VPS53: variants seen among roughly 807,000 people sequenced by gnomAD.
The protein encoded by VPS53 is VPS53 subunit of GARP complex.
In VPS53, 70 loss-of-function variants were observed where a neutral mutation model predicts 107.0. The observed-to-expected ratio is 0.65, with a 90% confidence interval of 0.54 to 0.80. The LOEUF (loss-of-function observed/expected upper bound fraction) is 0.80. Among genes scored for constraint, VPS53 ranks in the 30% least tolerant of loss-of-function variants. The pLI, the probability that VPS53 is intolerant of heterozygous loss-of-function variation, is 0.00. For missense variants in VPS53, 917 were observed against 1,049.4 expected, an observed-to-expected ratio of 0.87 and a Z score of 1.74; for synonymous variants, 409 against 393.3, an observed-to-expected ratio of 1.04 and a Z score of -0.47.
intron 7 of VPS53, among the ~76,000 whole-genome samples, chr17:635,694 A>G (rs1371558503): frequency 1.3e-5 from 2 of 152,194 alleles, no homozygotes. Context: ...TTTGTCAAAG[A>G]TCAGATGGTT....
At position 586,257 on chromosome 17, in the gene VPS53, G is replaced by C. The variant is rs1197448818; in HGVS notation, c.1313+13C>G. ...GAAATGCAGGCAGAAAACAGCGAAT[G>C]TTCCTCACTCACTTGTCTTGGGATT... On this transcript the variant is annotated intron_variant, in intron 13 of 21. Transcript: ENST00000437048. 1 of 1,612,416 alleles carries C rather than the reference G, an allele frequency of 6.2e-7. No homozygotes were observed. Among genetic ancestry groups the C allele is most frequent in the Non-Finnish European group, 8.5e-7 (1 of 1,178,468 alleles).
rs1969799781 is a variant in VPS53, at chr17:628,211, A to G, written c.708T>C (p.Asn236=). The change falls in exon 9 of 22, where the codon AAT becomes AAC. Residue 236 remains asparagine, a synonymous_variant. Coordinates refer to ENST00000437048, the MANE Select transcript of VPS53 (RefSeq NM_001128159.3). ...QGTKRPGGPS[N]VLRDACLVAN... ...CAACCAGACATGCATCTCGTAGAAC[A>G]TTGCTGGGTCCTCCTGGTCTCTAGT... The G allele has an allele frequency of 5.0e-6, 8 of 1,613,972 alleles. No individual in the cohort carries two copies. In the East Asian group the frequency reaches 1.8e-4, roughly 36 times the overall value.
At chr17:648,530 G>A (rs1257431126) in intron 7 of VPS53, among the ~76,000 whole-genome samples, 5 of 152,222 alleles carry the variant, frequency 3.3e-5, no homozygotes, top group Non-Finnish European at 4.4e-5. Context: ...CAGCCTGGGC[G>A]ATGGAGTGAG....
intron 5 of VPS53, among the ~76,000 whole-genome samples, chr17:659,398 A>G (rs1371988372): frequency 1.3e-5 from 2 of 152,152 alleles, no homozygotes; most frequent in African/African-American, 4.8e-5. Flanking sequence ...TCTCTGCCTC[A>G]GCCTCCAGAG....
rs985786201 is a variant in VPS53 at position 634,138 on chromosome 17, G to A, written c.609-2510C>T. Among the ~76,000 whole-genome samples, 7 of 152,096 alleles carry A rather than the reference G, an allele frequency of 4.6e-5. No individual in the cohort carries two copies. The South Asian group carries it at 1.2e-3, about 27-fold the overall frequency. ...GTGGGCCCGGCTCTGCCCCTGGCCC[G>A]AACTATTTGCTACTCCATATTCTTG... On this transcript the variant is annotated intron_variant, in intron 7 of 21. Coordinates refer to ENST00000437048, the MANE Select transcript of VPS53 (RefSeq NM_001128159.3).
chr17:650,626 G>C (rs1970906286), intron 7 of VPS53, among the ~76,000 whole-genome samples: 1 of 152,232 alleles, frequency 6.6e-6, no homozygotes, highest in Admixed American at 6.5e-5. Flanking sequence ...CTGAGGGTAA[G>C]GGTGCTCTCA....
chr17:628,454 A>T (rs1262790050), intron 8 of VPS53, among the ~76,000 whole-genome samples: 1 of 152,212 alleles, frequency 6.6e-6, no homozygotes, highest in Non-Finnish European at 1.5e-5. Context: ...TACCCTGTGA[A>T]TCTGCAATGA....
chr17:578,075 C>T lies in VPS53; in HGVS notation c.1313+8195G>A, dbSNP rs149316314. Among the ~76,000 whole-genome samples, 460 of 151,716 alleles carry T rather than the reference C, an allele frequency of 3.0e-3. 2 individuals are homozygous for T. The highest frequency in any genetic ancestry group is 9.5e-3 in the African/African-American group (393 of 41,394). Reference sequence around the variant, plus strand: ...AGAGAACCTCCCTCAGAACCTAATGCGTTCCCAGGCAACCTCCCTCAGAAC... The same window carrying T: ...AGAGAACCTCCCTCAGAACCTAATGTGTTCCCAGGCAACCTCCCTCAGAAC... On this transcript the variant is annotated intron_variant, in intron 13 of 21. Transcript: ENST00000437048.
chr17:698,424 C>T (rs1973063264), intron 3 of VPS53, among the ~76,000 whole-genome samples: 1 of 146,764 alleles, frequency 6.8e-6, no homozygotes, highest in South Asian at 2.2e-4. Context: ...CAGAGCCAGA[C>T]TCCATCTCAA....
At chr17:608,709 G>A (rs1968701610) in intron 11 of VPS53, among the ~76,000 whole-genome samples, 1 of 149,844 alleles carries the variant, frequency 6.7e-6, no homozygotes, top group Non-Finnish European at 1.5e-5. Flanking sequence ...TTGAACTCCT[G>A]GACTTAGGTG....
intron 8 of VPS53, among the ~76,000 whole-genome samples, chr17:628,433 G>A (rs969674330): frequency 1.8e-4 from 27 of 152,186 alleles, no homozygotes; most frequent in African/African-American, 3.4e-4. Context: ...TACAGCAAGC[G>A]ACAGAAAAAC....
intron 7 of VPS53, among the ~76,000 whole-genome samples, chr17:639,240 G>A (rs1196620832): frequency 6.6e-6 from 1 of 152,184 alleles, no homozygotes; most frequent in African/African-American, 2.4e-5. Context: ...TCGTCAGGTA[G>A]TTCTTGTGCC....
chr17:547,747 C>G (rs549375566), intron 17 of VPS53, among the ~76,000 whole-genome samples: 1 of 152,172 alleles, frequency 6.6e-6, no homozygotes, highest in South Asian at 2.1e-4. Context: ...AAGAGATTCT[C>G]CTACCTCAGC....
At chr17:535,777 C>A (rs1157636226) in intron 18 of VPS53, among the ~76,000 whole-genome samples, 1 of 152,160 alleles carries the variant, frequency 6.6e-6, no homozygotes, top group Non-Finnish European at 1.5e-5. Flanking sequence ...AACATTAATG[C>A]CTCCCTGGAG....
chr17:579,361 T>C (rs1966875285), intron 13 of VPS53, among the ~76,000 whole-genome samples: 1 of 150,358 alleles, frequency 6.7e-6, no homozygotes, highest in African/African-American at 2.5e-5. Context: ...CAGAACCTAA[T>C]GCCTTCCCAG....
At chr17:571,912 G>A (rs1005093264) in intron 13 of VPS53, among the ~76,000 whole-genome samples, 3 of 152,168 alleles carry the variant, frequency 2.0e-5, no homozygotes, top group Middle Eastern at 3.2e-3. Flanking sequence ...CCTCCCAGCC[G>A]CCTGCCTTGG....
chr17:704,945 T>C (rs1973343376), intron 2 of VPS53, among the ~76,000 whole-genome samples: 1 of 152,202 alleles, frequency 6.6e-6, no homozygotes, highest in Admixed American at 6.6e-5. Context: ...TCATACAAAA[T>C]GATGAGCTAT....
At chr17:642,321 A>C (rs929028539) in intron 7 of VPS53, among the ~76,000 whole-genome samples, 21 of 151,564 alleles carry the variant, frequency 1.4e-4, no homozygotes, top group African/African-American at 3.9e-4. Flanking sequence ...TCATACTTGG[A>C]AAGCGAGGAC....
intron 12 of VPS53, among the ~76,000 whole-genome samples, chr17:588,105 C>G (rs1374800861): frequency 2.0e-5 from 3 of 152,200 alleles, no homozygotes; most frequent in Non-Finnish European, 4.4e-5. Context: ...ATCACAAGGT[C>G]AGGAGTTCAA....
Sources: allele counts gnomAD v4.1 joint callset (sites outside exome capture counted in the v4.1 genomes callset), GRCh38; gene constraint gnomAD v4.1.1; transcripts MANE v1.5; gene names NCBI Gene and HGNC (gene_info 2026-07-23, HGNC 2026-07-21).